The following GRM1 variants were observed in gnomAD, a reference collection of about 807,000 sequenced individuals.
The protein encoded by GRM1 is glutamate metabotropic receptor 1, also known as metabotropic glutamate receptor 1.
Under a neutral mutation model 90.9 loss-of-function variants are expected in GRM1, and 33 were observed. The observed-to-expected ratio is 0.36, with a 90% CI of 0.28 to 0.49. The LOEUF is 0.49. GRM1 is among the 20% of genes least tolerant of loss of function. The pLI, the probability that GRM1 is intolerant of heterozygous loss-of-function variation, is 0.99. For synonymous variants in GRM1, 700 were observed against 613.2 expected (o/e 1.14, Z -2.09); for missense variants, 1,190 against 1,534.3 (o/e 0.78, Z 3.75).
At chr6:146,420,415 C>G (rs1056303305) in intron 7 of GRM1, among the ~76,000 whole-genome samples, 1 of 152,180 alleles carries the variant, frequency 6.6e-6, no homozygotes, top group African/African-American at 2.4e-5. Flanking sequence ...GTTGAAAGTC[C>G]CGAAGGGATA....
intron 5 of GRM1, among the ~76,000 whole-genome samples, chr6:146,360,054 C>G (rs560607679): frequency 6.6e-5 from 10 of 152,084 alleles, no homozygotes; most frequent in Admixed American, 2.6e-4. Flanking sequence ...TGCCACCTAC[C>G]AGGCCCAGGA....
chr6:146,031,754 A>G (rs556087849), intron 1 of GRM1, among the ~76,000 whole-genome samples: 1 of 152,270 alleles, frequency 6.6e-6, no homozygotes, highest in East Asian at 1.9e-4. Context: ...TGTTTAGCAT[A>G]GTTTCTTTAG....
At chr6:146,327,527 A>G (rs1784436253) in intron 3 of GRM1, among the ~76,000 whole-genome samples, 1 of 152,216 alleles carries the variant, frequency 6.6e-6, no homozygotes, top group African/African-American at 2.4e-5. Flanking sequence ...CATTTTCCGT[A>G]ACATACTTTT....
intron 2 of GRM1, among the ~76,000 whole-genome samples, chr6:146,173,389 C>CA (rs71028382): frequency 0.26 from 21,231 of 82,126 alleles, 1,907 homozygotes; most frequent in African/African-American, 0.36. Flanking sequence ...AACTCTGTCT[C>CA]AAAAAAAAAA....
chr6:146,100,235 GTGTAT>G (rs1361814569), intron 1 of GRM1, among the ~76,000 whole-genome samples: 2 of 152,090 alleles, frequency 1.3e-5, no homozygotes, highest in African/African-American at 4.8e-5. Flanking sequence ...ATTGTTTTAT[GTGTAT>G]TTCTCATTGA....
At chr6:146,134,083 G>A (rs1249246376) in intron 1 of GRM1, among the ~76,000 whole-genome samples, 2 of 152,194 alleles carry the variant, frequency 1.3e-5, no homozygotes, top group South Asian at 2.1e-4. Flanking sequence ...CAGGCACAGT[G>A]TGTCACCCCT....
intron 7 of GRM1, among the ~76,000 whole-genome samples, chr6:146,414,378 T>TTAG (rs1777688122): frequency 3.6e-5 from 1 of 28,164 alleles, no homozygotes; most frequent in Admixed American, 2.7e-4. Flanking sequence ...CGTTTGCCTT[T>TTAG]TATTATTATT....
chr6:146,134,000 T>C (rs193026128), intron 1 of GRM1, among the ~76,000 whole-genome samples: 22 of 152,382 alleles, frequency 1.4e-4, no homozygotes, highest in Non-Finnish European at 2.4e-4. Context: ...GTGGAGCAGA[T>C]AAGATGCCCA....
At chr6:146,071,086 T>G (rs1484766674) in intron 1 of GRM1, among the ~76,000 whole-genome samples, 1 of 152,198 alleles carries the variant, frequency 6.6e-6, no homozygotes, top group Non-Finnish European at 1.5e-5. Context: ...ATGCTGTTCT[T>G]GTCTCATCTT....
At chr6:146,252,678 G>A (rs1781337827) in intron 2 of GRM1, among the ~76,000 whole-genome samples, 1 of 152,144 alleles carries the variant, frequency 6.6e-6, no homozygotes, top group Admixed American at 6.5e-5. Context: ...GGACAAGTTA[G>A]AAGTGGAAAT....
At chr6:146,184,039 C>T (rs966117244) in intron 2 of GRM1, among the ~76,000 whole-genome samples, 1 of 152,008 alleles carries the variant, frequency 6.6e-6, no homozygotes, top group African/African-American at 2.4e-5. Context: ...AATGTAGGAC[C>T]TGGAACACTG....
intron 2 of GRM1, among the ~76,000 whole-genome samples, chr6:146,275,428 CG>C (rs1263476038): frequency 6.6e-6 from 1 of 152,052 alleles, no homozygotes; most frequent in African/African-American, 2.4e-5. Context: ...GGTGAGAAGG[CG>C]TGGGAATCAA....
intron 2 of GRM1, among the ~76,000 whole-genome samples, chr6:146,187,949 G>A (rs1778795532): frequency 2.0e-5 from 3 of 152,042 alleles, no homozygotes; most frequent in Admixed American, 2.0e-4. Flanking sequence ...TCTATTTACT[G>A]TTAAAAACTG....
At chr6:146,139,056 A>G (rs537286349) in intron 1 of GRM1, among the ~76,000 whole-genome samples, 3 of 150,932 alleles carry the variant, frequency 2.0e-5, no homozygotes, top group Admixed American at 2.0e-4. Context: ...AAATTTTTCA[A>G]TTTTCTTCTT....
intron 1 of GRM1, among the ~76,000 whole-genome samples, chr6:146,044,639 T>C (rs867384988): frequency 1.3e-5 from 2 of 152,122 alleles, no homozygotes; most frequent in Admixed American, 1.3e-4. Flanking sequence ...AATTAATCTT[T>C]GGCTAGAAGC....
chr6:146,054,596 G>A (rs141998862), intron 1 of GRM1, among the ~76,000 whole-genome samples: 7 of 152,090 alleles, frequency 4.6e-5, no homozygotes, highest in Admixed American at 4.6e-4. Flanking sequence ...CATAGTTTAT[G>A]TCAGGGGGCA....
At chr6:146,046,520 C>G (rs1052805454) in intron 1 of GRM1, among the ~76,000 whole-genome samples, 5 of 151,962 alleles carry the variant, frequency 3.3e-5, no homozygotes. Context: ...TGCCTACTGT[C>G]TGATTTTCTT....
intron 3 of GRM1, among the ~76,000 whole-genome samples, chr6:146,314,560 T>C (rs1288278425): frequency 6.6e-6 from 1 of 152,214 alleles, no homozygotes; most frequent in Non-Finnish European, 1.5e-5. Context: ...GGCTGCATCA[T>C]GTGGTAAGTG....
chr6:146,403,110 G>T (rs1273569864), intron 7 of GRM1, among the ~76,000 whole-genome samples: 1 of 152,038 alleles, frequency 6.6e-6, no homozygotes, highest in Admixed American at 6.6e-5. Flanking sequence ...AGAAGAAAAT[G>T]AAAATCCCTG....
Sources: gnomAD v4.1 joint callset for allele counts (sites outside exome capture counted in the v4.1 genomes callset) on GRCh38, gnomAD v4.1.1 for gene constraint, MANE v1.5 for transcripts, NCBI Gene and HGNC (gene_info 2026-07-23, HGNC 2026-07-21) for gene names.